Variants in SNX29 observed in about 807,000 individuals in gnomAD.
SNX29 encodes sorting nexin-29.
In SNX29, 78 loss-of-function variants were observed where a neutral mutation model predicts 102.1. The observed-to-expected ratio is 0.76, with a 90% CI of 0.64 to 0.92. The LOEUF is 0.92. SNX29 is among the 40% of genes least tolerant of loss of function. SNX29 has a pLI of 0.00. For synonymous variants in SNX29, 580 were observed against 414.5 expected (o/e 1.40, Z -4.85); for missense variants, 1,280 against 1,061.7 (o/e 1.21, Z -2.86).
At chr16:12,481,513 GAC>G (rs59650769) in intron 19 of SNX29, among the ~76,000 whole-genome samples, 8,012 of 125,488 alleles carry the variant, frequency 0.064, 240 homozygotes, top group African/African-American at 0.094. Flanking sequence ...TATACATATA[GAC>G]ACACACACAC....
intron 20 of SNX29, among the ~76,000 whole-genome samples, chr16:12,543,105 C>G (rs1005507788): frequency 1.3e-5 from 2 of 152,180 alleles, no homozygotes; most frequent in South Asian, 2.1e-4. Flanking sequence ...AAGATGGATC[C>G]TGGCAGCTGC....
chr16:12,476,042 C>G (rs2087576569), intron 18 of SNX29, among the ~76,000 whole-genome samples: 1 of 152,020 alleles, frequency 6.6e-6, no homozygotes, highest in African/African-American at 2.4e-5. Flanking sequence ...GGGTGACAGC[C>G]AGGCGTGGTG....
intron 20 of SNX29, among the ~76,000 whole-genome samples, chr16:12,562,115 T>C (rs1160449435): frequency 2.0e-5 from 3 of 152,132 alleles, no homozygotes; most frequent in Non-Finnish European, 4.4e-5. Flanking sequence ...CCGTTCACTC[T>C]CCTGTGTGAC....
chr16:12,190,500 G>A (rs998372024), intron 13 of SNX29, among the ~76,000 whole-genome samples: 1 of 152,128 alleles, frequency 6.6e-6, no homozygotes, highest in African/African-American at 2.4e-5. Context: ...TGGAGGCAGG[G>A]TTGGCAGGAA....
chr16:12,547,155 G>A lies in SNX29; in HGVS notation c.2319-21351G>A, dbSNP rs574891360. On this transcript the variant is annotated intron_variant, in intron 20 of 20. Coordinates refer to ENST00000566228, the MANE Select transcript of SNX29 (RefSeq NM_032167.5). ...CATCACAGAGGGAAAGAAGCCTGCT[G>A]GGGATGTGCTGTTTATGGTCTAGGA... Among the ~76,000 whole-genome samples, 94 of 152,340 alleles carry A rather than the reference G, an allele frequency of 6.2e-4. 1 individual carries two copies. The highest frequency in any genetic ancestry group is 2.0e-3 in the African/African-American group (84 of 41,584).
At chr16:12,240,134 C>T (rs75451160) in intron 14 of SNX29, among the ~76,000 whole-genome samples, 2,655 of 152,344 alleles carry the variant, frequency 0.017, 95 homozygotes, top group African/African-American at 0.061. Flanking sequence ...TAACTTCCCA[C>T]GGCTAGGCAC....
At chr16:12,511,349 G>T (rs913975748) in intron 19 of SNX29, among the ~76,000 whole-genome samples, 1 of 152,134 alleles carries the variant, frequency 6.6e-6, no homozygotes, top group Non-Finnish European at 1.5e-5. Context: ...TGAATCTCTT[G>T]GAGCCTCAGT....
At chr16:12,397,712 G>T (rs1001687920) in intron 16 of SNX29, among the ~76,000 whole-genome samples, 1 of 152,162 alleles carries the variant, frequency 6.6e-6, no homozygotes, top group African/African-American at 2.4e-5. Flanking sequence ...GCATTTTGTT[G>T]TCTGCTTTAC....
chr16:12,382,598 T>G (rs1435289135), intron 16 of SNX29, among the ~76,000 whole-genome samples: 1 of 152,236 alleles, frequency 6.6e-6, no homozygotes, highest in Non-Finnish European at 1.5e-5. Context: ...TGTTAGTTTC[T>G]TAGAGCTGCT....
intron 14 of SNX29, among the ~76,000 whole-genome samples, chr16:12,275,902 T>TTTTG (rs1491543943): frequency 4.2e-4 from 33 of 78,150 alleles, no homozygotes; most frequent in African/African-American, 1.6e-3. Flanking sequence ...TTTTTTTTTT[T>TTTTG]GGGGGGCGTG....
intron 18 of SNX29, among the ~76,000 whole-genome samples, chr16:12,461,978 A>AAATATAT (rs1555544501): frequency 3.7e-5 from 1 of 27,354 alleles, no homozygotes; most frequent in Non-Finnish European, 6.3e-5. Context: ...AAAAAAAAAA[A>AAATATAT]ATATATATAT....
At chr16:12,380,344 CCCAT>C (rs1465595612) in intron 16 of SNX29, among the ~76,000 whole-genome samples, 31 of 115,248 alleles carry the variant, frequency 2.7e-4, no homozygotes, top group African/African-American at 9.4e-4. Flanking sequence ...CCCCCACCCA[CCCAT>C]CCCTTCACCT....
chr16:12,317,007 C>T (rs1022681928), intron 15 of SNX29, among the ~76,000 whole-genome samples: 6 of 152,226 alleles, frequency 3.9e-5, no homozygotes, highest in African/African-American at 1.4e-4. Flanking sequence ...TTCAGTGATT[C>T]CTTTATTAAA....
chr16:12,086,013 T>C (rs2052156559), intron 11 of SNX29, among the ~76,000 whole-genome samples: 1 of 149,170 alleles, frequency 6.7e-6, no homozygotes, highest in Middle Eastern at 3.4e-3. Context: ...CCAATTCTTT[T>C]TTTTTTTTTT....
chr16:12,519,218 T>C (rs9938933), intron 19 of SNX29, among the ~76,000 whole-genome samples: 20,095 of 152,214 alleles, frequency 0.13, 4,340 homozygotes, highest in African/African-American at 0.45. Flanking sequence ...TACCTGTGGG[T>C]CACAGTTAGT....
chr16:12,451,778 C>T (rs997570468), intron 18 of SNX29, among the ~76,000 whole-genome samples: 5 of 152,184 alleles, frequency 3.3e-5, no homozygotes, highest in African/African-American at 7.2e-5. Flanking sequence ...GCAGCAGAAT[C>T]GCTTGAACCT....
At chr16:12,113,329 C>T (rs542836941) in intron 11 of SNX29, among the ~76,000 whole-genome samples, 1 of 152,272 alleles carries the variant, frequency 6.6e-6, no homozygotes, top group East Asian at 1.9e-4. Flanking sequence ...TCCATGGCTG[C>T]AAGGGAGGTA....
chr16:12,299,657 C>G (rs1488837651), intron 15 of SNX29, among the ~76,000 whole-genome samples: 3 of 152,058 alleles, frequency 2.0e-5, no homozygotes, highest in African/African-American at 7.2e-5. Context: ...GTGTTCAGAG[C>G]TAGAAAATCT....
At chr16:12,555,797 C>A (rs60610202) in intron 20 of SNX29, among the ~76,000 whole-genome samples, 2 of 152,206 alleles carry the variant, frequency 1.3e-5, no homozygotes, top group Admixed American at 6.5e-5. Context: ...AGGCACACTC[C>A]TGCCTGCCTC....
Sources: gnomAD v4.1 joint callset for allele counts (sites outside exome capture counted in the v4.1 genomes callset) on GRCh38, gnomAD v4.1.1 for gene constraint, MANE v1.5 for transcripts, NCBI Gene and HGNC (gene_info 2026-07-23, HGNC 2026-07-21) for gene names.